The following ZNF318 variants were observed in gnomAD, a reference collection of about 807,000 sequenced individuals.
The protein encoded by ZNF318 is endocrine regulator.
A neutral mutation model predicts 124.2 loss-of-function variants in ZNF318; 51 were observed. The observed-to-expected ratio is 0.41, with a 90% CI of 0.33 to 0.52. The LOEUF (loss-of-function observed/expected upper bound fraction) is 0.52. Among genes scored for constraint, ZNF318 ranks in the 20% least tolerant of loss-of-function variants. ZNF318 has a pLI of 0.23. For missense variants in ZNF318, 2,815 were observed against 2,811.2 expected, an observed-to-expected ratio of 1.00 and a Z score of -0.03; for synonymous variants, 1,090 against 1,040.7, an observed-to-expected ratio of 1.05 and a Z score of -0.91.
chr6:43,340,141 T>C lies in ZNF318; in HGVS notation c.3857A>G (p.Glu1286Gly). 6.2e-7 allele frequency: 1 copy of C among 1,614,172 alleles called. No homozygotes were observed. The highest frequency in any genetic ancestry group is 1.1e-5 in the South Asian group (1 of 91,082). ...ACTTGGGGTCACCAATGAACTTTTC[T>C]CCTCTTCTTTTTCTGGCTTCTTCCA... Reference protein sequence around the residue: ...FSWKKPEKEEEKSSLVTPSIS... With the variant: ...FSWKKPEKEEGKSSLVTPSIS... Residue 1286 changes from glutamate (E) to glycine (G), a missense_variant, in exon 10 of 10, where the codon GAG becomes GGG. By Grantham distance (98) the Glu-to-Gly change is moderately conservative. Transcript: ENST00000361428.
At chr6:43,346,571 CG>C (rs1306078463) in intron 6 of ZNF318, among the ~76,000 whole-genome samples, 2 of 142,198 alleles carry the variant, frequency 1.4e-5, no homozygotes, top group Admixed American at 7.0e-5. Flanking sequence ...TGGAGACAGA[CG>C]TAAGAAGAGT....
In ZNF318 at chr6:43,338,599, C is replaced by T. The variant is rs758425568; in HGVS notation, c.5399G>A (p.Ser1800Asn). The change falls in exon 10 of 10, where the codon AGC (serine) becomes AAC (asparagine). Residue 1800 changes from serine (S) to asparagine (N), a missense_variant. By Grantham distance (46) the Ser-to-Asn change is conservative (BLOSUM62 1). Transcript: ENST00000361428. ...EGIVDEGVST[S>N]IGPHSIDDSN... The stretch of plus-strand genomic sequence containing the variant: ...ATCATCTATGCTGTGGGGTCCAATG[C>T]TGGTACTTACTCCCTCATCAACTAT... 1 of 1,614,154 alleles carries T rather than the reference C, an allele frequency of 6.2e-7. No individual in the cohort carries two copies.
intron 1 of ZNF318, among the ~76,000 whole-genome samples, 194 bp from the exon 2 acceptor site, chr6:43,365,634 T>TA (rs1228319399): frequency 2.0e-5 from 3 of 151,918 alleles, no homozygotes; most frequent in Admixed American, 6.6e-5. Flanking sequence ...TCCATCTCTA[T>TA]AAAAAAAAGT....
intron 8 of ZNF318, 93 bp from the exon 9 acceptor site, chr6:43,341,001 T>C: frequency 1.1e-6 from 1 of 934,408 alleles, no homozygotes; most frequent in Non-Finnish European, 1.7e-6. Context: ...TGCAGTAAAA[T>C]GGTTACAGTA....
intron 5 of ZNF318, among the ~76,000 whole-genome samples, chr6:43,350,943 A>G (rs1011140983): frequency 6.6e-6 from 1 of 152,234 alleles, no homozygotes; most frequent in Non-Finnish European, 1.5e-5. Flanking sequence ...TATCTCCTCT[A>G]TAAGATTCAT....
chr6:43,342,236 C>T, intron 7 of ZNF318, 25 bp from the exon 8 acceptor site: 1 of 1,543,342 alleles, frequency 6.5e-7, no homozygotes, highest in Non-Finnish European at 8.8e-7. Context: ...CAGAGGTGCT[C>T]ACACAACAGC....
At position 43,348,380 on chromosome 6, in the gene ZNF318, C is replaced by T. The variant is rs752006963; in HGVS notation, c.3016G>A (p.Glu1006Lys). Residue 1006 changes from glutamate (E) to lysine (K), a missense_variant, in exon 6 of 10, where the codon GAA (glutamate) becomes AAA (lysine). By Grantham distance (56) the Glu-to-Lys change is moderately conservative. Around this residue, in one of 4 missense-constraint regions of ZNF318, gnomAD observed 1,377 missense variants for 1,353.5 expected, o/e 1.02. Transcript: ENST00000361428. ...REPTEKPGKA[E>K]KSKSPEKVSS... is the part of the protein sequence containing the mutation. ...ACTTTTTCTGGGCTCTTAGATTTTT[C>T]TGCTTTCCCAGGCTTCTCTGTAGGC... 2 of 1,613,118 alleles carry T rather than the reference C, an allele frequency of 1.2e-6. No homozygotes were observed. Among genetic ancestry groups the T allele is most frequent in the South Asian group, 2.2e-5 (2 of 90,778 alleles).
chr6:43,342,654 T>C lies in ZNF318; in HGVS notation c.3276+22A>G. The C allele has an allele frequency of 2.5e-6, 4 of 1,612,370 alleles. No individual in the cohort carries two copies. The South Asian group carries it at 4.4e-5, about 18-fold the overall frequency. On this transcript the variant is annotated intron_variant, in intron 7 of 9. Coordinates refer to ENST00000361428, the MANE Select transcript of ZNF318 (RefSeq NM_014345.3). Reference sequence around the variant, plus strand: ...AAGAGAGTGAGGGTGGGAGTGAAAATAACAGAGAGTAGGATACCAACCTGT... The same window carrying C: ...AAGAGAGTGAGGGTGGGAGTGAAAACAACAGAGAGTAGGATACCAACCTGT...
chr6:43,360,558 T>C (rs1161920702), intron 2 of ZNF318, among the ~76,000 whole-genome samples: 4 of 152,264 alleles, frequency 2.6e-5, no homozygotes, highest in African/African-American at 4.8e-5. Flanking sequence ...TGTACTATTC[T>C]ACATTTTTGT....
At chr6:43,352,611 C>A in intron 4 of ZNF318, 135 bp from the exon 5 acceptor site, 1 of 717,324 alleles carries the variant, frequency 1.4e-6, no homozygotes, top group Non-Finnish European at 2.3e-6. Context: ...TCTGACCTTA[C>A]TGTCAAAGTA....
Position 43,336,231 on chromosome 6 carries a change from T to C in ZNF318, c.*927A>G, listed in dbSNP as rs755406971. 3.9e-5 allele frequency: 6 copies of C among 152,618 alleles called. No homozygotes were observed. Among genetic ancestry groups the C allele is most frequent in the Admixed American group, 6.5e-5 (1 of 15,268 alleles). 9.5% of individuals were successfully genotyped at this position (152,618 alleles called of 1,614,324 possible). On this transcript the variant is annotated 3_prime_UTR_variant, in exon 10 of 10. Coordinates refer to ENST00000361428, the MANE Select transcript of ZNF318 (RefSeq NM_014345.3). ...GGAAAGGAGGAGGTAGAGGAAAGGA[T>C]ACATATGGGTTTGTGGAACAGGGAA...
Position 43,348,325 on chromosome 6 carries a change from T to G in ZNF318, c.3071A>C (p.Lys1024Thr), listed in dbSNP as rs749290989. 1 of 1,601,040 alleles carries G rather than the reference T, an allele frequency of 6.2e-7. No homozygotes were observed. The highest frequency in any genetic ancestry group is 1.1e-5 in the South Asian group (1 of 88,442). The change falls in exon 6 of 10, where the codon AAG (lysine) becomes ACG (threonine). Residue 1024 changes from lysine to threonine, a missense_variant and splice_region_variant. Transcript: ENST00000361428. ...GAAATGGAAAAATTGAGTTGTTACC[T>G]TGTTGGAGGAGGAGTTTGAGAACGA... Reference protein sequence around the residue: ...VSSFSNSSSNKESKVNNEKFR... With the variant: ...VSSFSNSSSNTESKVNNEKFR...
intron 2 of ZNF318, among the ~76,000 whole-genome samples, chr6:43,359,196 C>G (rs1779649780): frequency 6.6e-6 from 1 of 152,170 alleles, no homozygotes; most frequent in African/African-American, 2.4e-5. Flanking sequence ...CCCTCTTTGC[C>G]TTCTCTGGAT....
intron 2 of ZNF318, among the ~76,000 whole-genome samples, chr6:43,361,242 T>C (rs950827788): frequency 6.6e-6 from 1 of 152,148 alleles, no homozygotes; most frequent in Non-Finnish European, 1.5e-5. Flanking sequence ...AAAATCCCAC[T>C]CCTTCAATCT....
At position 43,357,347 on chromosome 6, in the gene ZNF318, G is replaced by C; in HGVS notation, c.967C>G (p.Arg323Gly). 6.2e-7 allele frequency: 1 copy of C among 1,614,070 alleles called. No homozygotes were observed. Among genetic ancestry groups the C allele is most frequent in the Non-Finnish European group, 8.5e-7 (1 of 1,180,008 alleles). ...PEFRELDLARRKREEEEERSR... is the reference protein window; with the variant it reads ...PEFRELDLARGKREEEEERSR... ...CGCTCCTCCTCTTCCTCTCGCTTTC[G>C]TCTGGCAAGATCCAGTTCTCGAAAC... The change falls in exon 3 of 10, where the codon CGA becomes GGA. Residue 323 changes from arginine to glycine, a missense_variant. Coordinates refer to ENST00000361428, the MANE Select transcript of ZNF318 (RefSeq NM_014345.3).
intron 6 of ZNF318, among the ~76,000 whole-genome samples, chr6:43,346,529 A>C (rs1779448529): frequency 6.7e-6 from 1 of 149,410 alleles, no homozygotes; most frequent in South Asian, 2.1e-4. Flanking sequence ...TTAACCAAAA[A>C]AAAAAAAAAA....
At position 43,340,366 on chromosome 6, in the gene ZNF318, T is replaced by C; in HGVS notation, c.3632A>G (p.Glu1211Gly). The C allele has an allele frequency of 6.2e-7, 1 of 1,614,146 alleles. No individual in the cohort carries two copies. The highest frequency in any genetic ancestry group is 8.5e-7 in the Non-Finnish European group (1 of 1,180,018). Residue 1211 changes from glutamate to glycine, a missense_variant, in exon 10 of 10, where the codon GAG (glutamate) becomes GGG (glycine). By Grantham distance (98) the Glu-to-Gly change is moderately conservative. Around this residue, in one of 4 missense-constraint regions of ZNF318, gnomAD observed 500 missense variants for 605.2 expected, o/e 0.83. Transcript: ENST00000361428. ...AGCCTTTGCCTTTTTTTCTTTCTTC[T>C]CCTCCTTTGGTTTCTCACTAAGTTT... Reference protein sequence around the residue: ...KRKLSEKPKEEKKEKKAKAVK... With the variant: ...KRKLSEKPKEGKKEKKAKAVK...
At chr6:43,340,942 T>A in intron 8 of ZNF318, 34 bp from the exon 9 acceptor site, 1 of 1,485,618 alleles carries the variant, frequency 6.7e-7, no homozygotes, top group Non-Finnish European at 9.4e-7. Context: ...AGGAAATAAG[T>A]CGATTCCACC....
Position 43,340,398 on chromosome 6 carries a change from T to C in ZNF318, c.3600A>G (p.Leu1200=), listed in dbSNP as rs749043974. The C allele has an allele frequency of 2.5e-6, 4 of 1,614,142 alleles. No individual in the cohort carries two copies. The Admixed American group carries it at 6.7e-5, about 27-fold the overall frequency. ...TTGGTTTCTCACTAAGTTTGCGCTT[T>C]AGCTCACTCTGCCGTCGCCGTTCTG... ...LETERRRQSE[L]KRKLSEKPKE... Residue 1200 remains leucine (L), a synonymous_variant, in exon 10 of 10, where the codon CTA becomes CTG. Transcript: ENST00000361428.
Sources: gnomAD v4.1 joint callset for allele counts (sites outside exome capture counted in the v4.1 genomes callset) on GRCh38, gnomAD v4.1.1 for gene constraint, gnomAD v4.1.1 regional missense constraint, MANE v1.5 for transcripts, NCBI Gene and HGNC (gene_info 2026-07-23, HGNC 2026-07-21) for gene names.